MNAT1: variants seen among roughly 807,000 people sequenced by gnomAD.
The protein encoded by MNAT1 is MNAT1 component of CDK activating kinase.
A neutral mutation model predicts 42.0 loss-of-function variants in MNAT1; 43 were observed. The ratio of observed to expected loss-of-function variants is 1.02; its 90% confidence interval spans 0.80 to 1.32. The LOEUF (loss-of-function observed/expected upper bound fraction) is 1.32. MNAT1 is among the 40% of genes most tolerant of loss of function. The pLI is 0.00. For missense variants in MNAT1, 306 were observed against 350.4 expected (o/e 0.87, Z 1.01); for synonymous variants, 118 against 120.0 (o/e 0.98, Z 0.11).
chr14:60,793,586 T>C (rs1195854559), intron 1 of MNAT1, among the ~76,000 whole-genome samples: 1 of 152,080 alleles, frequency 6.6e-6, no homozygotes. Flanking sequence ...TTGTCTAGGC[T>C]GGTCTTATAT....
intron 1 of MNAT1, among the ~76,000 whole-genome samples, chr14:60,746,931 C>T (rs796105258): frequency 0.48 from 3,209 of 6,642 alleles, 411 homozygotes; most frequent in Middle Eastern, 0.62. Context: ...TATACACACA[C>T]ACACACACAC....
intron 1 of MNAT1, chr14:60,780,619 A>C: frequency 1.5e-6 from 2 of 1,294,098 alleles, no homozygotes; most frequent in Non-Finnish European, 2.2e-6. Context: ...AAATAATGTA[A>C]TTGTAATTTT....
intron 1 of MNAT1, among the ~76,000 whole-genome samples, chr14:60,748,211 A>G (rs78886228): frequency 6.6e-6 from 1 of 151,848 alleles, no homozygotes; most frequent in African/African-American, 2.4e-5. Flanking sequence ...AAAAAAAAAA[A>G]GAAGAAAATA....
chr14:60,802,358 A>G (rs2032230962), intron 3 of MNAT1, among the ~76,000 whole-genome samples: 1 of 152,208 alleles, frequency 6.6e-6, no homozygotes, highest in Non-Finnish European at 1.5e-5. Flanking sequence ...AAAAATAAGC[A>G]TGTCAGGTGA....
intron 6 of MNAT1, among the ~76,000 whole-genome samples, chr14:60,863,675 CTG>C (rs1340987678): frequency 6.6e-6 from 1 of 151,986 alleles, no homozygotes; most frequent in East Asian, 1.9e-4. Context: ...ATGTGATAGT[CTG>C]TGTATTCTTG....
At chr14:60,812,843 GT>G (rs2032595439) in intron 5 of MNAT1, among the ~76,000 whole-genome samples, 1 of 152,194 alleles carries the variant, frequency 6.6e-6, no homozygotes, top group African/African-American at 2.4e-5. Flanking sequence ...GCTAAGAGCT[GT>G]TTTCATCGCT....
At position 60,734,848 on chromosome 14, in the gene MNAT1, A is replaced by T. The variant is rs201631440; in HGVS notation, c.-15A>T. The T allele has an allele frequency of 6.2e-7, 1 of 1,613,636 alleles. No homozygotes were observed. Among genetic ancestry groups the T allele is most frequent in the Admixed American group, 1.7e-5 (1 of 59,996 alleles). The stretch of plus-strand genomic sequence containing the variant: ...GAAACAGGCGCCTGCGAGAGTCTGT[A>T]GGAGGGAAACCGCCATGGACGATCA... On this transcript the variant is annotated 5_prime_UTR_variant, in exon 1 of 8. Transcript: ENST00000261245. This position sits in a 1 kb window ranked among gnomAD's most constrained non-coding sequence, Gnocchi z 4.3.
At chr14:60,785,287 A>G (rs1200768716) in intron 1 of MNAT1, among the ~76,000 whole-genome samples, 2 of 152,166 alleles carry the variant, frequency 1.3e-5, no homozygotes, top group East Asian at 3.8e-4. Flanking sequence ...TATTAGTGTA[A>G]TTCAAAAATA....
chr14:60,810,834 G>A (rs139371741), intron 4 of MNAT1, among the ~76,000 whole-genome samples: 3 of 152,210 alleles, frequency 2.0e-5, no homozygotes, highest in African/African-American at 7.2e-5. Context: ...CTGTTGAGTA[G>A]AATGTTCTGT....
chr14:60,926,066 C>G (rs545147545), intron 7 of MNAT1, among the ~76,000 whole-genome samples: 2 of 152,286 alleles, frequency 1.3e-5, no homozygotes, highest in East Asian at 3.9e-4. Flanking sequence ...TCATTTGGCC[C>G]TACTCTCTGG....
At chr14:60,948,356 A>C (rs2036321453) in intron 7 of MNAT1, among the ~76,000 whole-genome samples, 1 of 152,126 alleles carries the variant, frequency 6.6e-6, no homozygotes, top group East Asian at 1.9e-4. Context: ...ACTTGAGCCC[A>C]AGGAGTTCAA....
At chr14:60,771,356 G>A (rs1260661502) in intron 1 of MNAT1, among the ~76,000 whole-genome samples, 1 of 152,012 alleles carries the variant, frequency 6.6e-6, no homozygotes, top group East Asian at 1.9e-4. Context: ...GTTAATGCCT[G>A]TATAAGGTGA....
At chr14:60,952,124 C>CT (rs2036395119) in intron 7 of MNAT1, among the ~76,000 whole-genome samples, 1 of 152,196 alleles carries the variant, frequency 6.6e-6, no homozygotes, top group Non-Finnish European at 1.5e-5. Context: ...CTTCCTACCT[C>CT]TAACAGGACT....
intron 7 of MNAT1, among the ~76,000 whole-genome samples, chr14:60,909,191 T>A (rs1206650103): frequency 6.6e-6 from 1 of 152,158 alleles, no homozygotes; most frequent in African/African-American, 2.4e-5. Flanking sequence ...TCTTGTAAAT[T>A]TGTTTGAGTT....
chr14:60,936,764 T>C (rs183785220), intron 7 of MNAT1, among the ~76,000 whole-genome samples: 33 of 152,306 alleles, frequency 2.2e-4, no homozygotes, highest in African/African-American at 7.7e-4. Flanking sequence ...CTGGGTCAAA[T>C]GGTATTTCTA....
In MNAT1 at chr14:60,759,995, A is replaced by G. The variant is rs529529800; in HGVS notation, c.89+25044A>G. Among the ~76,000 whole-genome samples, 16 of 152,338 alleles carry G rather than the reference A, an allele frequency of 1.1e-4. No individual in the cohort carries two copies. In the East Asian group the frequency reaches 2.9e-3, roughly 28 times the overall value. On this transcript the variant is annotated intron_variant, in intron 1 of 7. Transcript: ENST00000261245. ...TCTTCTGATTAGAATTTATTTAAGT[A>G]GTAGAAAATTCAAGCCAGCTTGGGT...
At chr14:60,904,705 T>C (rs987543458) in intron 7 of MNAT1, among the ~76,000 whole-genome samples, 2 of 152,076 alleles carry the variant, frequency 1.3e-5, no homozygotes, top group African/African-American at 4.8e-5. Flanking sequence ...TTTAAAAATA[T>C]ATAAAATGAG....
At chr14:60,913,269 T>G (rs2035426196) in intron 7 of MNAT1, among the ~76,000 whole-genome samples, 1 of 152,216 alleles carries the variant, frequency 6.6e-6, no homozygotes, top group African/African-American at 2.4e-5. Context: ...GCAATTGGTT[T>G]GAACTTCCTC....
At chr14:60,798,224 A>C (rs1355170825) in intron 3 of MNAT1, 64 bp downstream of exon 3, 2 of 832,218 alleles carry the variant, frequency 2.4e-6, no homozygotes, top group Admixed American at 4.6e-5. Flanking sequence ...TTAAATGCTT[A>C]GGAGAACATC....
Sources: allele counts gnomAD v4.1 joint callset (sites outside exome capture counted in the v4.1 genomes callset), GRCh38; gene constraint gnomAD v4.1.1; non-coding constraint Gnocchi (gnomAD v3.1); transcripts MANE v1.5; gene names NCBI Gene and HGNC (gene_info 2026-07-23, HGNC 2026-07-21).